ADAMTSL3: variants seen among roughly 807,000 people sequenced by gnomAD.
ADAMTSL3 encodes the protein ADAMTS-like protein 3.
Under a neutral mutation model 201.7 loss-of-function variants are expected in ADAMTSL3, and 128 were observed. The ratio of observed to expected loss-of-function variants is 0.63; its 90% confidence interval spans 0.55 to 0.73. The LOEUF (loss-of-function observed/expected upper bound fraction) is 0.73. ADAMTSL3 is among the 30% of genes least tolerant of loss of function. ADAMTSL3 has a pLI of 0.00. For synonymous variants in ADAMTSL3, 738 were observed against 748.4 expected (o/e 0.99, Z 0.23); for missense variants, 1,990 against 2,119.6 (o/e 0.94, Z 1.20).
rs1324330423 is a variant in ADAMTSL3 at position 83,892,778 on chromosome 15, G to A, written c.1357G>A (p.Glu453Lys). Residue 453 changes from glutamate (E) to lysine (K), a missense_variant, in exon 13 of 30, where the codon GAG becomes AAG. Coordinates refer to ENST00000286744, the MANE Select transcript of ADAMTSL3 (RefSeq NM_207517.3). Reference sequence around the variant, plus strand: ...GTGTGTAGAGGAATCCATGCATGGAGAGATATTGCAGGTGGAAGAATGGAA... The same window carrying A: ...GTGTGTAGAGGAATCCATGCATGGAAAGATATTGCAGGTGGAAGAATGGAA... ...FVCVEESMHGEILQVEEWKCM... is the reference protein window; with the variant it reads ...FVCVEESMHGKILQVEEWKCM... 12 of 1,614,030 alleles carry A rather than the reference G, an allele frequency of 7.4e-6. No homozygotes were observed. The highest frequency in any genetic ancestry group is 9.3e-6 in the Non-Finnish European group (11 of 1,180,032).
At chr15:83,973,104 T>G (rs956465159) in intron 20 of ADAMTSL3, among the ~76,000 whole-genome samples, 1 of 152,122 alleles carries the variant, frequency 6.6e-6, no homozygotes. Context: ...ACAACCAATA[T>G]CTGTGATGAT....
Position 84,025,962 on chromosome 15 carries a change from A to G in ADAMTSL3, c.4656+526A>G, listed in dbSNP as rs116254622. 7.8e-3 allele frequency among the ~76,000 whole-genome samples: 1,194 copies of G among 152,340 alleles called. 15 individuals carry two copies. Among genetic ancestry groups the G allele is most frequent in the African/African-American group, 0.027 (1,102 of 41,576 alleles). On this transcript the variant is annotated intron_variant, in intron 27 of 29. Coordinates refer to ENST00000286744, the MANE Select transcript of ADAMTSL3 (RefSeq NM_207517.3). The stretch of plus-strand genomic sequence containing the variant: ...CGAAGATGTCGATTTCCTTAAATGA[A>G]TATATGCACGTAATACAATTCCTAT...
chr15:83,789,293 A>G (rs535948149), intron 4 of ADAMTSL3, among the ~76,000 whole-genome samples: 1 of 151,672 alleles, frequency 6.6e-6, no homozygotes, highest in South Asian at 2.1e-4. Flanking sequence ...TGTTCCTTGA[A>G]TTTTTAGGAA....
intron 3 of ADAMTSL3, among the ~76,000 whole-genome samples, chr15:83,740,460 GAT>G (rs1194134709): frequency 6.6e-6 from 1 of 152,190 alleles, no homozygotes; most frequent in Non-Finnish European, 1.5e-5. Context: ...GGAAATGAAA[GAT>G]GTAAGAGAAC....
chr15:83,773,156 A>T (rs551524022), intron 3 of ADAMTSL3, among the ~76,000 whole-genome samples: 1 of 152,070 alleles, frequency 6.6e-6, no homozygotes, highest in Non-Finnish European at 1.5e-5. Context: ...AGCTTAGAAG[A>T]TGACTCTGGA....
intron 7 of ADAMTSL3, among the ~76,000 whole-genome samples, chr15:83,839,848 A>G (rs897321553): frequency 5.9e-5 from 9 of 152,312 alleles, no homozygotes; most frequent in African/African-American, 2.2e-4. Context: ...GGAGACACAT[A>G]TCAGAGGTGA....
intron 2 of ADAMTSL3, among the ~76,000 whole-genome samples, chr15:83,700,278 G>A (rs1007417228): frequency 4.6e-5 from 7 of 152,202 alleles, no homozygotes; most frequent in Non-Finnish European, 7.3e-5. Context: ...GTAAGCCTGC[G>A]TCTGTTCCTC....
intron 2 of ADAMTSL3, among the ~76,000 whole-genome samples, chr15:83,657,656 G>A (rs1409310207): frequency 6.6e-6 from 1 of 152,250 alleles, no homozygotes; most frequent in East Asian, 1.9e-4. Context: ...ATAAATGTCA[G>A]CATTCTGCTG....
At chr15:83,761,211 C>T (rs116078242) in intron 3 of ADAMTSL3, among the ~76,000 whole-genome samples, 2,934 of 152,068 alleles carry the variant, frequency 0.019, 108 homozygotes, top group African/African-American at 0.067. Flanking sequence ...GTTCTTTTAT[C>T]TTCTTCATGG....
chr15:83,750,259 T>A (rs1220566499), intron 3 of ADAMTSL3, among the ~76,000 whole-genome samples: 1 of 152,236 alleles, frequency 6.6e-6, no homozygotes, highest in African/African-American at 2.4e-5. Context: ...GAATTAGCTT[T>A]CCGTATTGCA....
chr15:83,999,781 AT>A (rs36074253), intron 23 of ADAMTSL3, among the ~76,000 whole-genome samples: 32,521 of 151,948 alleles, frequency 0.21, 3,600 homozygotes, highest in Middle Eastern at 0.36. Flanking sequence ...CTTAATCGGG[AT>A]TTTTTTTAAG....
intron 13 of ADAMTSL3, among the ~76,000 whole-genome samples, chr15:83,895,104 G>T (rs1309850357): frequency 6.6e-6 from 1 of 152,198 alleles, no homozygotes; most frequent in Non-Finnish European, 1.5e-5. Flanking sequence ...CGGGATGGAA[G>T]GATTTTATTT....
At chr15:83,898,631 A>C (rs1340177820) in intron 14 of ADAMTSL3, among the ~76,000 whole-genome samples, 1 of 152,182 alleles carries the variant, frequency 6.6e-6, no homozygotes, top group African/African-American at 2.4e-5. Flanking sequence ...GCATCCAGGG[A>C]TAGGAGGATT....
chr15:83,897,176 A>C (rs2079616841), intron 13 of ADAMTSL3, among the ~76,000 whole-genome samples: 2 of 152,162 alleles, frequency 1.3e-5, no homozygotes, highest in South Asian at 4.1e-4. Context: ...AAAACATTCC[A>C]CTCATAGGCA....
chr15:83,924,712 G>C (rs1008107744), intron 17 of ADAMTSL3, among the ~76,000 whole-genome samples: 2 of 152,210 alleles, frequency 1.3e-5, no homozygotes, highest in African/African-American at 4.8e-5. Flanking sequence ...GCTGGCTACA[G>C]AGGGTGATAA....
At chr15:83,969,635 C>G (rs972830008) in intron 19 of ADAMTSL3, among the ~76,000 whole-genome samples, 2 of 152,114 alleles carry the variant, frequency 1.3e-5, no homozygotes, top group Non-Finnish European at 2.9e-5. Flanking sequence ...TAGGGAAAAA[C>G]AAATGTTGCA....
At chr15:83,817,520 A>T (rs1446621081) in intron 5 of ADAMTSL3, among the ~76,000 whole-genome samples, 1 of 152,246 alleles carries the variant, frequency 6.6e-6, no homozygotes, top group Non-Finnish European at 1.5e-5. Context: ...AGCTGACTGC[A>T]TGAAAATGTA....
chr15:83,861,217 G>T (rs531289744), intron 8 of ADAMTSL3, among the ~76,000 whole-genome samples: 1 of 152,172 alleles, frequency 6.6e-6, no homozygotes, highest in East Asian at 1.9e-4. Flanking sequence ...TGGGGGCAGG[G>T]CACAGCCAAA....
At chr15:83,858,247 G>A (rs773750184) in intron 7 of ADAMTSL3, among the ~76,000 whole-genome samples, 3 of 152,226 alleles carry the variant, frequency 2.0e-5, no homozygotes, top group Admixed American at 6.5e-5. Flanking sequence ...TGGGCCATGA[G>A]AGTAAAGGTA....
Sources: gnomAD v4.1 joint callset for allele counts (sites outside exome capture counted in the v4.1 genomes callset) on GRCh38, gnomAD v4.1.1 for gene constraint, MANE v1.5 for transcripts, NCBI Gene and HGNC (gene_info 2026-07-23, HGNC 2026-07-21) for gene names.